The following MED16 variants were observed in gnomAD, a reference collection of about 807,000 sequenced individuals.
The protein encoded by MED16 is mediator of RNA polymerase II transcription subunit 16.
A neutral mutation model predicts 84.4 loss-of-function variants in MED16; 81 were observed. The ratio of observed to expected loss-of-function variants is 0.96; its 90% confidence interval spans 0.80 to 1.15. The LOEUF is 1.15. Among genes scored for constraint, MED16 ranks in the 50% most tolerant of loss-of-function variants. The pLI, the probability that MED16 is intolerant of heterozygous loss-of-function variation, is 0.00. For synonymous variants in MED16, 897 were observed against 552.2 expected, an observed-to-expected ratio of 1.62 and a Z score of -8.76; for missense variants, 1,585 against 1,245.9, an observed-to-expected ratio of 1.27 and a Z score of -4.10.
chr19:872,143 G>C lies in MED16; in HGVS notation c.1906-25C>G, dbSNP rs548876994. On this transcript the variant is annotated intron_variant, in intron 11 of 15. Transcript: ENST00000325464. ...CCTGCCCGAAAGAGGCATCGGTGTG[G>C]CTGGGGCGGCGGGGGGCAGATGGCG... 9 of 1,579,234 alleles carry C rather than the reference G, an allele frequency of 5.7e-6. No homozygotes were observed. The South Asian group carries it at 9.1e-5, about 16-fold the overall frequency.
rs765147373 is a variant in MED16, at chr19:885,017, G to C, written c.880-9C>G. On this transcript the variant is annotated splice_polypyrimidine_tract_variant and intron_variant, in intron 5 of 15. Coordinates refer to ENST00000325464, the MANE Select transcript of MED16 (RefSeq NM_005481.3). Reference sequence around the variant, plus strand: ...GACGCGCACAAAAGCACCTGCGGGGGAGGTGGGGGTGAGGGCTGACCCGGC... The same window carrying C: ...GACGCGCACAAAAGCACCTGCGGGGCAGGTGGGGGTGAGGGCTGACCCGGC... The C allele has an allele frequency of 1.3e-6, 2 of 1,586,236 alleles. No homozygotes were observed. The highest frequency in any genetic ancestry group is 1.7e-6 in the Non-Finnish European group (2 of 1,170,412).
At chr19:871,351 G>A (rs1315520140) in intron 12 of MED16, 98 bp from the exon 13 acceptor site, 40 of 1,379,460 alleles carry the variant, frequency 2.9e-5, no homozygotes, top group South Asian at 2.1e-4. Flanking sequence ...GGAGCACCAG[G>A]TCAGGGCCCC....
chr19:871,734 G>A (rs1386666536), intron 12 of MED16, 192 bp downstream of exon 12: 50 of 1,054,484 alleles, frequency 4.7e-5, no homozygotes, highest in South Asian at 1.0e-4. Flanking sequence ...GGGGGGCTCA[G>A]GCAGGACTTG....
At chr19:881,096 T>C (rs1386608008) in intron 7 of MED16, among the ~76,000 whole-genome samples, 3 of 151,992 alleles carry the variant, frequency 2.0e-5, no homozygotes, top group Non-Finnish European at 4.4e-5. Context: ...GAACGGGAGC[T>C]GGGGGAAGAA....
At chr19:889,869 A>ACGGCACAGCGCCTGGGGGAAGC in intron 3 of MED16, 62 bp from the exon 4 acceptor site, 1 of 1,524,724 alleles carries the variant, frequency 6.6e-7, no homozygotes, top group Non-Finnish European at 8.8e-7. Context: ...GCGTTGCAGG[A>ACGGCACAGCGCCTGGGGGAAGC]CGGCACAGCG....
In MED16 at chr19:886,273, C is replaced by T. The variant is rs530404052; in HGVS notation, c.448-72G>A. The T allele has an allele frequency of 2.7e-4, 365 of 1,331,200 alleles. 1 individual carries two copies. In the Middle Eastern group the frequency reaches 3.3e-3, roughly 12 times the overall value. 82.5% of individuals were successfully genotyped at this position (1,331,200 alleles called of 1,614,324 possible). A position where few individuals can be genotyped will look rare whatever the true frequency, so the allele number is the denominator to read the frequency against. The stretch of plus-strand genomic sequence containing the variant: ...GGCTGCCCCATGACCCCCAGAAACA[C>T]GCGCACAGAAGAACCACGCAGAAGC... On this transcript the variant is annotated intron_variant, in intron 4 of 15. Transcript: ENST00000325464.
rs1380853040 is a variant in MED16, at chr19:868,012, C to T, written c.*89G>A. ...CCTGTCCTTCCCAGCCGCTGCTTGT[C>T]CAGGTTCAGCGCTCTCCGCGGGTGA... On this transcript the variant is annotated 3_prime_UTR_variant, in exon 16 of 16. Transcript: ENST00000325464. The T allele has an allele frequency of 1.0e-5, 15 of 1,475,040 alleles. No individual in the cohort carries two copies. The highest frequency in any genetic ancestry group is 1.3e-5 in the Non-Finnish European group (14 of 1,108,292). The allele number at this position is 1,475,040 out of a possible 1,614,324, so 91.4% of individuals were successfully genotyped here. A position where few individuals can be genotyped will look rare whatever the true frequency, so the allele number is the denominator to read the frequency against.
rs1276049036 is a variant in MED16, at chr19:885,907, C to T, written c.742G>A (p.Val248Met). The stretch of plus-strand genomic sequence containing the variant: ...TCGATACGGCACTTCTCGCTCACCA[C>T]GCTCACGCACACCTTGTAGAACTGC... ...PVQFYKVCVS[V>M]VSEKCRIDTE... The change falls in exon 5 of 16, where the codon GTG becomes ATG. Residue 248 changes from valine to methionine, a missense_variant. Coordinates refer to ENST00000325464, the MANE Select transcript of MED16 (RefSeq NM_005481.3). 40 of 1,613,498 alleles carry T rather than the reference C, an allele frequency of 2.5e-5. No individual in the cohort carries two copies. Among genetic ancestry groups the T allele is most frequent in the Admixed American group, 5.0e-5 (3 of 60,018 alleles).
At chr19:889,603 T>C (rs1275821290) in intron 4 of MED16, 35 bp downstream of exon 4, 3 of 1,581,620 alleles carry the variant, frequency 1.9e-6, no homozygotes, top group Admixed American at 3.4e-5. Flanking sequence ...TGACATCTCA[T>C]CTGCCTCATC....
intron 1 of MED16, chr19:892,244 G>A: frequency 6.1e-6 from 1 of 163,018 alleles, no homozygotes; most frequent in Non-Finnish European, 1.4e-5. Context: ...GCCTGCCCCA[G>A]ACCCCCAAGG....
intron 5 of MED16, among the ~76,000 whole-genome samples, chr19:885,498 G>A (rs1229478490): frequency 2.0e-5 from 3 of 152,268 alleles, no homozygotes; most frequent in Middle Eastern, 3.4e-3. Flanking sequence ...GTCCTCAGGA[G>A]AGAATGTGGG....
intron 5 of MED16, 142 bp from the exon 6 acceptor site, chr19:885,150 A>G: frequency 1.6e-6 from 1 of 636,754 alleles, no homozygotes; most frequent in Non-Finnish European, 2.8e-6. Context: ...GCCCTCCTGG[A>G]TTCCAGCCCA....
intron 14 of MED16, 131 bp from the exon 15 acceptor site, chr19:868,630 GCCACAGGGCCTCTGC>G: frequency 7.9e-7 from 1 of 1,266,470 alleles, no homozygotes; most frequent in Non-Finnish European, 1.1e-6. Flanking sequence ...GTCCCCACCT[GCCACAGGGCCTCTGC>G]CCATGCTTCT....
intron 9 of MED16, among the ~76,000 whole-genome samples, chr19:875,709 T>C (rs2036214855): frequency 6.6e-6 from 1 of 152,156 alleles, no homozygotes; most frequent in Non-Finnish European, 1.5e-5. Flanking sequence ...GAGATATTTT[T>C]AGTTGTCACC....
In MED16 at chr19:876,842, GGACA is replaced by G. The variant is rs1568324413; in HGVS notation, c.1560+128_1560+131del. The G allele has an allele frequency of 4.2e-5, 36 of 859,556 alleles. No individual in the cohort carries two copies. In the African/African-American group the frequency reaches 5.9e-4, roughly 14 times the overall value. The allele number at this position is 859,556 out of a possible 1,614,324, so 53.2% of individuals were successfully genotyped here. A position where few individuals can be genotyped will look rare whatever the true frequency, so the allele number is the denominator to read the frequency against. On this transcript the variant is annotated intron_variant, in intron 9 of 15. Transcript: ENST00000325464. ...ACCACGGGGCCCCTGCCTGCCACAG[GGACA>G]GCCCCACCTGGCACGGGACCACCTG...
intron 11 of MED16, among the ~76,000 whole-genome samples, chr19:872,434 G>T (rs942374629): frequency 2.6e-5 from 4 of 152,046 alleles, no homozygotes; most frequent in African/African-American, 9.7e-5. Flanking sequence ...TCCTACAGCT[G>T]CGGGCCCGGG....
At chr19:882,184 G>C (rs1025453978) in intron 6 of MED16, among the ~76,000 whole-genome samples, 1 of 152,248 alleles carries the variant, frequency 6.6e-6, no homozygotes, top group Non-Finnish European at 1.5e-5. Flanking sequence ...ACAGGGCAGA[G>C]ACTTCTGGGA....
intron 9 of MED16, 70 bp downstream of exon 9, chr19:876,892 ACGGGGCCCCACC>A (rs2036248930): frequency 3.6e-6 from 5 of 1,389,098 alleles, no homozygotes; most frequent in African/African-American, 3.0e-5. Context: ...CCCACCTGCC[ACGGGGCCCCACC>A]TGCCACGGGG....
chr19:871,805 G>T, intron 12 of MED16, 121 bp downstream of exon 12: 1 of 276,300 alleles, frequency 3.6e-6, no homozygotes, highest in African/African-American at 7.4e-5. Context: ...AGAAGGGAGA[G>T]CGGGGAGAGG....
Sources: allele counts gnomAD v4.1 joint callset (sites outside exome capture counted in the v4.1 genomes callset), GRCh38; gene constraint gnomAD v4.1.1; transcripts MANE v1.5; gene names NCBI Gene and HGNC (gene_info 2026-07-23, HGNC 2026-07-21).